Variants in FXR1 observed in about 807,000 individuals in gnomAD.
FXR1 encodes FMR1 autosomal homolog 1, also known as RNA-binding protein FXR1.
In FXR1, 15 loss-of-function variants were observed where a neutral mutation model predicts 84.0. The observed-to-expected ratio is 0.18, with a 90% CI of 0.12 to 0.27. The LOEUF (loss-of-function observed/expected upper bound fraction) is 0.27, where lower values mean the gene tolerates loss of function less well. Ranked by LOEUF, FXR1 falls within the 10% of genes least tolerant of loss-of-function variation. The pLI, the probability that FXR1 is intolerant of heterozygous loss-of-function variation, is 1.00. For missense variants in FXR1, 480 were observed against 774.4 expected (o/e 0.62, Z 4.51); for synonymous variants, 245 against 250.7 (o/e 0.98, Z 0.21).
chr3:180,932,210 A>T (rs886530153), intron 1 of FXR1, among the ~76,000 whole-genome samples: 9 of 151,920 alleles, frequency 5.9e-5, no homozygotes, highest in Middle Eastern at 3.4e-3. Context: ...AGATAAACAG[A>T]TGTGTTCATT....
At chr3:180,962,758 A>G (rs913158773) in intron 11 of FXR1, 125 bp from the exon 12 acceptor site, 1 of 665,912 alleles carries the variant, frequency 1.5e-6, no homozygotes, top group East Asian at 2.6e-5. Flanking sequence ...CTAGGAACAC[A>G]ATGCTCTTTA....
intron 9 of FXR1, chr3:180,957,521 A>T (rs574036235): frequency 8.7e-4 from 189 of 218,128 alleles, no homozygotes; most frequent in Admixed American, 3.2e-3. Context: ...TGGATATTTT[A>T]AAAATATGAA....
At chr3:180,933,154 T>C (rs900358832) in intron 1 of FXR1, 180 bp from the exon 2 acceptor site, 1 of 555,936 alleles carries the variant, frequency 1.8e-6, no homozygotes. Context: ...TCAGAGAGGT[T>C]AAGTAACTTA....
intron 15 of FXR1, among the ~76,000 whole-genome samples, chr3:180,973,485 A>G (rs930937886): frequency 6.6e-6 from 1 of 152,262 alleles, no homozygotes; most frequent in African/African-American, 2.4e-5. Context: ...ACTTGGAAAC[A>G]GTGCATTCAC....
Position 180,975,409 on chromosome 3 carries a change from G to T in FXR1, c.1695+5G>T. The T allele has an allele frequency of 8.0e-7, 1 of 1,252,612 alleles. No individual in the cohort carries two copies. The highest frequency in any genetic ancestry group is 1.1e-6 in the Non-Finnish European group (1 of 876,346). The allele number at this position is 1,252,612 out of a possible 1,614,324, so 77.6% of individuals were successfully genotyped here. ...GCTAAAAACAAGAAAGAAATGGTAA[G>T]GAGAATTTAACCTGTAGGTTTTTTT... is the stretch of plus-strand genomic sequence containing the variant. On this transcript the variant is annotated splice_donor_5th_base_variant and intron_variant, in intron 16 of 16. Coordinates refer to ENST00000357559, the MANE Select transcript of FXR1 (RefSeq NM_005087.4).
intron 10 of FXR1, among the ~76,000 whole-genome samples, chr3:180,959,773 T>C (rs1466480532): frequency 1.3e-5 from 2 of 151,996 alleles, no homozygotes; most frequent in African/African-American, 2.4e-5. Context: ...ATAGTTGAAA[T>C]GACTTCTTCA....
Position 180,976,709 on chromosome 3 carries a change from T to C in FXR1, c.*417T>C, listed in dbSNP as rs1157423390. 2 of 153,080 alleles carry C rather than the reference T, an allele frequency of 1.3e-5. No homozygotes were observed. Among genetic ancestry groups the C allele is most frequent in the Admixed American group, 1.3e-4 (2 of 15,288 alleles). 9.5% of individuals were successfully genotyped at this position (153,080 alleles called of 1,614,324 possible). On this transcript the variant is annotated 3_prime_UTR_variant, in exon 17 of 17. Coordinates refer to ENST00000357559, the MANE Select transcript of FXR1 (RefSeq NM_005087.4). ...AGGAAAACTAGAATGAAATGCAGTC[T>C]AAAATATTTTGCACTGAATTGTAAT... is the stretch of plus-strand genomic sequence containing the variant.
At chr3:180,922,081 G>A (rs1393298865) in intron 1 of FXR1, among the ~76,000 whole-genome samples, 1 of 152,084 alleles carries the variant, frequency 6.6e-6, no homozygotes, top group African/African-American at 2.4e-5. Context: ...TCATAACAAT[G>A]TATTAAATTC....
chr3:180,943,265 C>CTTT lies in FXR1; in HGVS notation c.199-4575_199-4573dup, dbSNP rs71182562. 4.7e-4 allele frequency among the ~76,000 whole-genome samples: 13 copies of CTTT among 27,650 alleles called. 1 individual carries two copies. Among genetic ancestry groups the CTTT allele is most frequent in the South Asian group, 2.9e-3 (1 of 346 alleles). 18.1% of individuals were successfully genotyped at this position (27,650 alleles called of 152,430 possible). ...TACAGGTGTGAGCCACTGTGCCCGGCTTTTTTTTTTTTTTTTTTTTTTTTT... is the reference window on the plus strand; with the variant it reads ...TACAGGTGTGAGCCACTGTGCCCGGCTTTTTTTTTTTTTTTTTTTTTTTTTTTT... On this transcript the variant is annotated intron_variant, in intron 3 of 16. Transcript: ENST00000357559.
chr3:180,932,669 A>G (rs1480725723), intron 1 of FXR1, among the ~76,000 whole-genome samples: 3 of 152,324 alleles, frequency 2.0e-5, no homozygotes, highest in East Asian at 1.9e-4. Flanking sequence ...ATAATCGTGA[A>G]CAGTGTACTC....
chr3:180,933,839 G>C (rs555323979), intron 2 of FXR1, among the ~76,000 whole-genome samples: 2 of 152,098 alleles, frequency 1.3e-5, no homozygotes, highest in Non-Finnish European at 2.9e-5. Context: ...GGCTGCGTGC[G>C]GTGGCTCATG....
chr3:180,955,495 C>T (rs566921627), intron 9 of FXR1, among the ~76,000 whole-genome samples: 3 of 152,076 alleles, frequency 2.0e-5, no homozygotes, highest in South Asian at 4.2e-4. Context: ...AGGTAGGGTG[C>T]ACAATGTTAT....
chr3:180,945,427 C>T (rs986156171), intron 3 of FXR1, among the ~76,000 whole-genome samples: 3 of 152,150 alleles, frequency 2.0e-5, no homozygotes, highest in Admixed American at 6.5e-5. Context: ...TCCCCCTGGA[C>T]AGGGTCTCGT....
chr3:180,968,963 G>GTA (rs1713192008), intron 14 of FXR1, among the ~76,000 whole-genome samples: 1 of 152,100 alleles, frequency 6.6e-6, no homozygotes. Flanking sequence ...TATCATTATG[G>GTA]TATACCACGT....
rs1476695339 is a variant in FXR1 at position 180,912,752 on chromosome 3, C to T, written c.51+16C>T. 1.9e-6 allele frequency: 3 copies of T among 1,613,900 alleles called. No individual in the cohort carries two copies. The highest frequency in any genetic ancestry group is 2.7e-5 in the African/African-American group (2 of 74,890). ...TTTCTACAAGGTACTGACCGTTTTG[C>T]CACTTTGTCGAGTGTTCTGGGTGCT... On this transcript the variant is annotated intron_variant, in intron 1 of 16. Transcript: ENST00000357559.
At position 180,935,214 on chromosome 3, in the gene FXR1, G is replaced by A; in HGVS notation, c.181G>A (p.Glu61Lys). Reference protein sequence around the residue: ...PPPDIKKEISEGDEVEVYSRA... With the variant: ...PPPDIKKEISKGDEVEVYSRA... Reference sequence around the variant, plus strand: ...ACCTGATATAAAAAAAGAAATTAGTGAAGGAGATGAAGTAGAGGTATGTAT... The same window carrying A: ...ACCTGATATAAAAAAAGAAATTAGTAAAGGAGATGAAGTAGAGGTATGTAT... Residue 61 changes from glutamate (E) to lysine (K), a missense_variant, in exon 3 of 17, where the codon GAA (glutamate) becomes AAA (lysine). Glu to Lys is a moderately conservative substitution (Grantham distance 56, BLOSUM62 1). Around this residue, in one of 6 missense-constraint regions of FXR1, gnomAD observed 54 missense variants for 74.2 expected, o/e 0.73. Transcript: ENST00000357559. The A allele has an allele frequency of 7.0e-7, 1 of 1,422,098 alleles. No individual in the cohort carries two copies. The highest frequency in any genetic ancestry group is 9.9e-7 in the Non-Finnish European group (1 of 1,005,534). 88.1% of individuals were successfully genotyped at this position (1,422,098 alleles called of 1,614,324 possible). A position where few individuals can be genotyped will look rare whatever the true frequency, so the allele number is the denominator to read the frequency against.
intron 13 of FXR1, among the ~76,000 whole-genome samples, chr3:180,964,737 A>G (rs1234388448): frequency 1.3e-5 from 2 of 149,258 alleles, no homozygotes; most frequent in East Asian, 2.0e-4. Context: ...AATAGGAACT[A>G]TAAGAAACAT....
chr3:180,950,659 CT>C (rs1722140830), intron 7 of FXR1, among the ~76,000 whole-genome samples: 1 of 152,158 alleles, frequency 6.6e-6, no homozygotes, highest in Non-Finnish European at 1.5e-5. Context: ...TCCACAGCCC[CT>C]GACAACCATC....
At chr3:180,912,810 G>T in intron 1 of FXR1, 74 bp downstream of exon 1, 1 of 1,611,994 alleles carries the variant, frequency 6.2e-7, no homozygotes, top group South Asian at 1.1e-5. Context: ...GGTGGTCCCA[G>T]AGAGTGAGGT....
Sources: gnomAD v4.1 joint callset for allele counts (sites outside exome capture counted in the v4.1 genomes callset) on GRCh38, gnomAD v4.1.1 for gene constraint, gnomAD v4.1.1 regional missense constraint, MANE v1.5 for transcripts, NCBI Gene and HGNC (gene_info 2026-07-23, HGNC 2026-07-21) for gene names.